SUCLG2: variants seen among roughly 807,000 people sequenced by gnomAD.
SUCLG2 encodes the protein succinate-CoA ligase GDP-forming subunit beta.
In SUCLG2, 42 loss-of-function variants were observed where a neutral mutation model predicts 47.9. The ratio of observed to expected loss-of-function variants is 0.88; its 90% CI spans 0.69 to 1.14. The LOEUF is 1.14. Among genes scored for constraint, SUCLG2 ranks in the 50% most tolerant of loss-of-function variants. The probability of loss-of-function intolerance (pLI) is 0.00; values close to 1 mark genes in which losing one functional copy is unlikely to be tolerated. For missense variants in SUCLG2, 571 were observed against 525.9 expected (o/e 1.09, Z -0.84); for synonymous variants, 195 against 197.3 (o/e 0.99, Z 0.10).
chr3:67,393,682 C>G (rs576388954), intron 10 of SUCLG2, among the ~76,000 whole-genome samples: 14 of 152,324 alleles, frequency 9.2e-5, no homozygotes, highest in Non-Finnish European at 1.8e-4. Context: ...GTTCTCCTGG[C>G]ACGCAGCTGG....
In SUCLG2 at chr3:67,513,487, T is replaced by C. The variant is rs187810334; in HGVS notation, c.661-4584A>G. Among the ~76,000 whole-genome samples the C allele has an allele frequency of 1.9e-3, 294 of 152,342 alleles. 1 individual carries two copies. The highest frequency in any genetic ancestry group is 4.8e-3 in the Admixed American group (73 of 15,300). ...AACCAAGCTGGTTCTCCCTTGTAGA[T>C]CTCACAATGACAAACCCTTGTAAGA... On this transcript the variant is annotated intron_variant, in intron 6 of 10. Transcript: ENST00000307227.
At chr3:67,542,634 C>T (rs574636648) in intron 2 of SUCLG2, among the ~76,000 whole-genome samples, 1 of 152,224 alleles carries the variant, frequency 6.6e-6, no homozygotes, top group South Asian at 2.1e-4. Flanking sequence ...GAATATTTAC[C>T]AAGCAAATGG....
At chr3:67,572,753 G>A (rs1707647733) in intron 2 of SUCLG2, among the ~76,000 whole-genome samples, 1 of 151,984 alleles carries the variant, frequency 6.6e-6, no homozygotes, top group Non-Finnish European at 1.5e-5. Flanking sequence ...TAAGATAGAA[G>A]GCAAGGTAAG....
intron 2 of SUCLG2, among the ~76,000 whole-genome samples, chr3:67,543,479 C>T (rs549915054): frequency 3.9e-5 from 6 of 152,076 alleles, no homozygotes; most frequent in African/African-American, 1.4e-4. Flanking sequence ...CAAGCCTGGG[C>T]AACATGGTGA....
intron 1 of SUCLG2, among the ~76,000 whole-genome samples, chr3:67,609,974 C>T (rs1311611889): frequency 6.6e-6 from 1 of 152,076 alleles, no homozygotes; most frequent in East Asian, 1.9e-4. Flanking sequence ...ATTTTTGCAA[C>T]TTCCTTTGAG....
intron 9 of SUCLG2, among the ~76,000 whole-genome samples, chr3:67,440,447 C>A (rs1703732406): frequency 6.6e-6 from 1 of 152,070 alleles, no homozygotes; most frequent in Admixed American, 6.6e-5. Flanking sequence ...GAACAGGCAA[C>A]CTACAGAATG....
chr3:67,376,109 C>T lies in SUCLG2; in HGVS notation c.1184-250G>A. On this transcript the variant is annotated intron_variant, in intron 10 of 10. Transcript: ENST00000307227. ...AATGAACATATTTTACTGATGGAAGCTGAGTTGTCTGCTGATAATCACAGC... is the reference window on the plus strand; with the variant it reads ...AATGAACATATTTTACTGATGGAAGTTGAGTTGTCTGCTGATAATCACAGC... 3.0e-6 allele frequency: 3 copies of T among 985,430 alleles called. No individual in the cohort carries two copies. In the South Asian group the frequency reaches 1.4e-4, roughly 46 times the overall value. The allele number at this position is 985,430 out of a possible 1,614,324, so 61.0% of individuals were successfully genotyped here. A position where few individuals can be genotyped will look rare whatever the true frequency, so the allele number is the denominator to read the frequency against.
At chr3:67,467,054 A>T (rs1428315866) in intron 9 of SUCLG2, among the ~76,000 whole-genome samples, 1 of 152,236 alleles carries the variant, frequency 6.6e-6, no homozygotes, top group East Asian at 1.9e-4. Context: ...TTAAGAATTG[A>T]GAATCGGAAC....
chr3:67,537,488 G>T (rs1575762643), intron 2 of SUCLG2, among the ~76,000 whole-genome samples: 2 of 152,286 alleles, frequency 1.3e-5, no homozygotes, highest in African/African-American at 4.8e-5. Context: ...ATTTGGGTTG[G>T]TTCCAAGTCT....
chr3:67,460,792 C>A (rs565365232), intron 9 of SUCLG2, among the ~76,000 whole-genome samples: 13 of 151,912 alleles, frequency 8.6e-5, no homozygotes, highest in Non-Finnish European at 1.9e-4. Flanking sequence ...CAATACAGGC[C>A]CACTGGGAAG....
At chr3:67,422,289 T>A (rs1703178372) in intron 9 of SUCLG2, among the ~76,000 whole-genome samples, 1 of 150,920 alleles carries the variant, frequency 6.6e-6, no homozygotes, top group African/African-American at 2.4e-5. Context: ...CTGGCCAACA[T>A]GGTGAAACCC....
intron 2 of SUCLG2, among the ~76,000 whole-genome samples, chr3:67,594,048 C>CA (rs1708237658): frequency 6.6e-6 from 1 of 152,174 alleles, no homozygotes; most frequent in East Asian, 1.9e-4. Flanking sequence ...ACACCTAGCC[C>CA]ACAAGTCCGA....
intron 9 of SUCLG2, among the ~76,000 whole-genome samples, chr3:67,469,955 G>T (rs1020855136): frequency 2.7e-5 from 4 of 148,280 alleles, no homozygotes; most frequent in African/African-American, 1.0e-4. Flanking sequence ...TGAGGCAGGG[G>T]AATCACTTGA....
chr3:67,416,476 G>T (rs1430744146), intron 9 of SUCLG2, among the ~76,000 whole-genome samples: 1 of 152,076 alleles, frequency 6.6e-6, no homozygotes, highest in Non-Finnish European at 1.5e-5. Context: ...TAATAATACT[G>T]CTTTGGAAAA....
At chr3:67,407,226 C>A (rs184035044) in intron 9 of SUCLG2, among the ~76,000 whole-genome samples, 1 of 152,290 alleles carries the variant, frequency 6.6e-6, no homozygotes, top group African/African-American at 2.4e-5. Context: ...GTTTGCTAAC[C>A]TGACACAGAT....
rs1397449983 is a variant in SUCLG2 at position 67,522,168 on chromosome 3, A to C, written c.418-1534T>G. On this transcript the variant is annotated intron_variant, in intron 4 of 10. Coordinates refer to ENST00000307227, the MANE Select transcript of SUCLG2 (RefSeq NM_003848.4). ...CTCCCAGGTTCAAACGAATCTCCTG[A>C]GTAGCTGAAACTACAGGCACGTGCC... Among the ~76,000 whole-genome samples, 6 of 151,778 alleles carry C rather than the reference A, an allele frequency of 4.0e-5. No homozygotes were observed. The South Asian group carries it at 1.2e-3, about 31-fold the overall frequency.
chr3:67,475,134 C>T (rs1435349663), intron 9 of SUCLG2, among the ~76,000 whole-genome samples: 2 of 152,100 alleles, frequency 1.3e-5, no homozygotes, highest in Admixed American at 6.6e-5. Flanking sequence ...CAAAATATTA[C>T]CCTACATACA....
chr3:67,426,332 G>A (rs1045380046), intron 9 of SUCLG2, among the ~76,000 whole-genome samples: 2 of 152,002 alleles, frequency 1.3e-5, no homozygotes, highest in Non-Finnish European at 2.9e-5. Flanking sequence ...ATATAAGAAA[G>A]AATATATTAG....
At chr3:67,419,790 G>A (rs2106855863) in intron 9 of SUCLG2, among the ~76,000 whole-genome samples, 1 of 152,128 alleles carries the variant, frequency 6.6e-6, no homozygotes, top group Middle Eastern at 3.4e-3. Flanking sequence ...TAAACAAGCA[G>A]GAAAAGAAAA....
Sources: gnomAD v4.1 joint callset for allele counts (sites outside exome capture counted in the v4.1 genomes callset) on GRCh38, gnomAD v4.1.1 for gene constraint, MANE v1.5 for transcripts, NCBI Gene and HGNC (gene_info 2026-07-23, HGNC 2026-07-21) for gene names.